MGAT4C: variants seen among roughly 807,000 people sequenced by gnomAD.
The protein encoded by MGAT4C is MGAT4 family member C, also known as alpha-1,3-mannosyl-glycoprotein 4-beta-N-acetylglucosaminyltransferase C.
Under a neutral mutation model 40.1 loss-of-function variants are expected in MGAT4C, and 19 were observed. That is an observed-to-expected ratio of 0.47 (90% CI 0.33 to 0.70). The LOEUF (loss-of-function observed/expected upper bound fraction) is 0.70. Among genes scored for constraint, MGAT4C ranks in the 30% least tolerant of loss-of-function variants. The pLI is 0.02. For missense variants in MGAT4C, 491 were observed against 563.2 expected (o/e 0.87, Z 1.30); for synonymous variants, 181 against 187.1 (o/e 0.97, Z 0.27).
At chr12:86,341,817 C>T (rs947405510) in intron 3 of MGAT4C, among the ~76,000 whole-genome samples, 1 of 152,148 alleles carries the variant, frequency 6.6e-6, no homozygotes, top group Non-Finnish European at 1.5e-5. Flanking sequence ...GGCCTTCAGC[C>T]ACACCCACCT....
At chr12:86,126,636 TC>T (rs1880313533) in intron 1 of MGAT4C, among the ~76,000 whole-genome samples, 1 of 152,204 alleles carries the variant, frequency 6.6e-6, no homozygotes, top group Admixed American at 6.5e-5. Context: ...CTTAAATAAT[TC>T]ATTTAAAGAT....
At chr12:86,717,713 A>G (rs531133784) in intron 2 of MGAT4C, among the ~76,000 whole-genome samples, 1 of 152,318 alleles carries the variant, frequency 6.6e-6, no homozygotes, top group African/African-American at 2.4e-5. Flanking sequence ...AAAAAGTGCA[A>G]GAAATAAACA....
At chr12:86,309,209 T>C (rs1954010987) in intron 4 of MGAT4C, among the ~76,000 whole-genome samples, 1 of 141,856 alleles carries the variant, frequency 7.0e-6, no homozygotes, top group African/African-American at 3.1e-5. Context: ...CCCTAAATGT[T>C]GTGGATCTTC....
rs184576236 is a variant in MGAT4C, at chr12:86,195,699, T to C, written c.-57+60540A>G. 7.6e-3 allele frequency among the ~76,000 whole-genome samples: 1,161 copies of C among 152,310 alleles called. 4 individuals carry two copies. The highest frequency in any genetic ancestry group is 0.014 in the Middle Eastern group (4 of 294). ...AGAATTATAATGCATATCATATATG[T>C]ATCTCTCAGGTTACAGAAATTTCAA... On this transcript the variant is annotated intron_variant, in intron 1 of 4. Coordinates refer to ENST00000611864, the MANE Select transcript of MGAT4C (RefSeq NM_001351288.2).
chr12:86,068,811 T>G (rs1210763279), intron 1 of MGAT4C, among the ~76,000 whole-genome samples: 6 of 152,130 alleles, frequency 3.9e-5, no homozygotes, highest in Admixed American at 6.6e-5. Context: ...CCCTTTTACC[T>G]GTAGCAGTAC....
In MGAT4C at chr12:85,964,756, T is replaced by A. The variant is rs762887675; in HGVS notation, c.*14533A>T. The A allele has an allele frequency of 5.9e-5, 9 of 152,266 alleles. 1 individual carries two copies. In the South Asian group the frequency reaches 1.7e-3, roughly 28 times the overall value. The allele number at this position is 152,266 out of a possible 1,614,324, so 9.4% of individuals were successfully genotyped here. A position where few individuals can be genotyped will look rare whatever the true frequency, so the allele number is the denominator to read the frequency against. On this transcript the variant is annotated 3_prime_UTR_variant, in exon 5 of 5. Transcript: ENST00000611864. ...AAGAAGAAACATTATAGGAAGCATTTTTTTTTCCTACAGAGTCTGCCATAT... is the reference window on the plus strand; with the variant it reads ...AAGAAGAAACATTATAGGAAGCATTATTTTTTCCTACAGAGTCTGCCATAT...
At position 86,603,691 on chromosome 12, in the gene MGAT4C, A is replaced by C. The variant is rs1961917183; in HGVS notation, c.-229+123518T>G. Among the ~76,000 whole-genome samples, 4 of 130,052 alleles carry C rather than the reference A, an allele frequency of 3.1e-5. No individual in the cohort carries two copies. The Admixed American group carries it at 3.3e-4, about 11-fold the overall frequency. The allele number at this position is 130,052 out of a possible 152,430, so 85.3% of individuals were successfully genotyped here. On this transcript the variant is annotated intron_variant, in intron 2 of 7. Transcript: ENST00000548651. ...TATATAGTATATATACTATATATAG[A>C]CTATATATTATCTATAGTCTATAGA...
chr12:86,566,748 C>CTGTG (rs59522675), intron 2 of MGAT4C, among the ~76,000 whole-genome samples: 36,255 of 138,290 alleles, frequency 0.26, 4,937 homozygotes, highest in East Asian at 0.4. Context: ...TACAATGTAT[C>CTGTG]TGTGTGTGTG....
chr12:86,050,189 A>G (rs1592782360), intron 1 of MGAT4C, among the ~76,000 whole-genome samples: 3 of 152,058 alleles, frequency 2.0e-5, no homozygotes, highest in Admixed American at 2.0e-4. Flanking sequence ...TATCCATGTT[A>G]TTGATTTTTC....
chr12:86,620,817 A>C (rs1281292311), intron 2 of MGAT4C, among the ~76,000 whole-genome samples: 1 of 152,144 alleles, frequency 6.6e-6, no homozygotes, highest in African/African-American at 2.4e-5. Flanking sequence ...ATGAGTTCTC[A>C]TGAGATCTGA....
At chr12:86,827,041 GAC>G (rs998039032) in intron 1 of MGAT4C, among the ~76,000 whole-genome samples, 3 of 151,190 alleles carry the variant, frequency 2.0e-5, no homozygotes, top group African/African-American at 4.9e-5. Flanking sequence ...TATATTAATA[GAC>G]ACACAGAAAA....
chr12:86,030,246 TA>T (rs1251510401), intron 2 of MGAT4C, among the ~76,000 whole-genome samples: 1 of 151,880 alleles, frequency 6.6e-6, no homozygotes, highest in African/African-American at 2.4e-5. Context: ...GCCAACTGGT[TA>T]AAAAAATTTA....
At chr12:86,207,625 C>G (rs1157391319) in intron 1 of MGAT4C, among the ~76,000 whole-genome samples, 4 of 152,112 alleles carry the variant, frequency 2.6e-5, no homozygotes, top group Admixed American at 1.3e-4. Context: ...TTTGCTGACA[C>G]TTATATAGCA....
At chr12:86,630,628 A>G (rs1012921158) in intron 2 of MGAT4C, among the ~76,000 whole-genome samples, 3 of 152,228 alleles carry the variant, frequency 2.0e-5, no homozygotes, top group African/African-American at 4.8e-5. Context: ...AAACCATCAC[A>G]TAAACAGAAC....
chr12:86,018,813 T>A (rs1889357731), intron 2 of MGAT4C, among the ~76,000 whole-genome samples: 1 of 152,074 alleles, frequency 6.6e-6, no homozygotes, highest in South Asian at 2.1e-4. Flanking sequence ...AGATTTACAT[T>A]AAGTTTCACT....
intron 1 of MGAT4C, among the ~76,000 whole-genome samples, chr12:86,110,281 C>CTATATATATATAG (rs1877064893): frequency 5.8e-5 from 1 of 17,134 alleles, no homozygotes; most frequent in African/African-American, 2.0e-4. Flanking sequence ...TATATATAGT[C>CTATATATATATAG]TATATATATA....
intron 2 of MGAT4C, among the ~76,000 whole-genome samples, chr12:86,593,000 T>C (rs79509092): frequency 0.012 from 1,876 of 152,212 alleles, 19 homozygotes; most frequent in Middle Eastern, 0.075. Flanking sequence ...ATACTTAATA[T>C]TGGCACTGTT....
rs571854238 is a variant in MGAT4C, at chr12:86,443,595, T to C, written c.-228-8330A>G. Reference sequence around the variant, plus strand: ...CCAAACTGTTTTTTTTTTGTTGTTGTTTTTGTTTGTTTGTTTGAGACGGAG... The same window carrying C: ...CCAAACTGTTTTTTTTTTGTTGTTGCTTTTGTTTGTTTGTTTGAGACGGAG... On this transcript the variant is annotated intron_variant, in intron 2 of 7. Coordinates refer to the MGAT4C transcript ENST00000548651. Among the ~76,000 whole-genome samples, 12 of 152,190 alleles carry C rather than the reference T, an allele frequency of 7.9e-5. No homozygotes were observed. The South Asian group carries it at 2.5e-3, about 32-fold the overall frequency.
At chr12:86,017,130 TA>T (rs968288784) in intron 2 of MGAT4C, among the ~76,000 whole-genome samples, 11 of 151,976 alleles carry the variant, frequency 7.2e-5, no homozygotes, top group Admixed American at 2.6e-4. Context: ...TGAAAACATT[TA>T]AAAAAAACGT....
Sources: gnomAD v4.1 joint callset for allele counts (sites outside exome capture counted in the v4.1 genomes callset) on GRCh38, gnomAD v4.1.1 for gene constraint, MANE v1.5 for transcripts, NCBI Gene and HGNC (gene_info 2026-07-23, HGNC 2026-07-21) for gene names.